The following ARB2A variants were observed in gnomAD, a reference collection of about 807,000 sequenced individuals.
ARB2A encodes the protein ARB2 cotranscriptional regulator A, also known as cotranscriptional regulator ARB2A.
the ARB2A span, among the ~76,000 whole-genome samples, chr5:94,011,171 T>G: frequency 6.6e-6 from 1 of 152,170 alleles, no homozygotes; most frequent in Admixed American, 6.5e-5. Flanking sequence ...AGTCTCATGG[T>G]TCTTCTCTTG....
chr5:93,946,849 C>T, the ARB2A span, among the ~76,000 whole-genome samples: 2 of 152,140 alleles, frequency 1.3e-5, no homozygotes, highest in Non-Finnish European at 2.9e-5. Flanking sequence ...ATATGCCACA[C>T]TTCTTCAACA....
the ARB2A span, among the ~76,000 whole-genome samples, chr5:94,034,510 T>G: frequency 6.6e-6 from 1 of 152,218 alleles, no homozygotes; most frequent in African/African-American, 2.4e-5. Context: ...TGGTTACCAA[T>G]TTTCAGATAA....
the ARB2A span, among the ~76,000 whole-genome samples, chr5:93,792,347 C>T: frequency 2.0e-5 from 3 of 151,628 alleles, no homozygotes; most frequent in East Asian, 1.9e-4. Context: ...GCAGGCTCAG[C>T]GAAGAAGACA....
the ARB2A span, among the ~76,000 whole-genome samples, chr5:93,822,631 G>T: frequency 6.6e-6 from 1 of 151,588 alleles, no homozygotes; most frequent in African/African-American, 2.4e-5. Context: ...GAGATATAGA[G>T]ATATATATAT....
At chr5:93,983,659 A>T in the ARB2A span, among the ~76,000 whole-genome samples, 1 of 152,142 alleles carries the variant, frequency 6.6e-6, no homozygotes, top group Non-Finnish European at 1.5e-5. Context: ...TCTTCCCCCA[A>T]ATTACTTATT....
At chr5:93,857,179 TCAGTCTGC>T in the ARB2A span, among the ~76,000 whole-genome samples, 131 of 152,256 alleles carry the variant, frequency 8.6e-4, no homozygotes, top group African/African-American at 3.1e-3. Flanking sequence ...GTGTGAGGTG[TCAGTCTGC>T]CCCTACTGGG....
the ARB2A span, among the ~76,000 whole-genome samples, chr5:93,767,344 T>C: frequency 1.3e-5 from 2 of 152,104 alleles, no homozygotes; most frequent in Non-Finnish European, 2.9e-5. Flanking sequence ...ATCACCTTAC[T>C]CCTGCAAGAA....
chr5:93,897,320 T>TTATA, the ARB2A span, among the ~76,000 whole-genome samples: 1 of 152,030 alleles, frequency 6.6e-6, no homozygotes. Context: ...CTTAAGCTAT[T>TTATA]TATAGATAAG....
the ARB2A span, among the ~76,000 whole-genome samples, chr5:93,818,686 C>T: frequency 1.3e-5 from 2 of 151,866 alleles, no homozygotes; most frequent in Non-Finnish European, 2.9e-5. Context: ...AAGACTATAC[C>T]TACAAGGGTG....
the ARB2A span, chr5:93,683,448 C>T: frequency 6.3e-7 from 1 of 1,599,864 alleles, no homozygotes. Flanking sequence ...ATTTCAAAGC[C>T]CCCAAGGGAA....
chr5:94,097,793 A>G, the ARB2A span, among the ~76,000 whole-genome samples: 1 of 152,004 alleles, frequency 6.6e-6, no homozygotes, highest in South Asian at 2.1e-4. Flanking sequence ...CTTTGCCAGA[A>G]TGCACATGCC....
chr5:93,978,105 T>C, the ARB2A span, among the ~76,000 whole-genome samples: 10 of 152,160 alleles, frequency 6.6e-5, no homozygotes, highest in African/African-American at 2.2e-4. Flanking sequence ...ATTCAAAAGT[T>C]AGAAAATAAA....
At chr5:93,637,316 A>G in the ARB2A span, among the ~76,000 whole-genome samples, 1 of 148,072 alleles carries the variant, frequency 6.8e-6, no homozygotes, top group East Asian at 2.0e-4. Context: ...TTGTTTAACC[A>G]TAACCATTCT....
At chr5:93,662,401 T>C in the ARB2A span, among the ~76,000 whole-genome samples, 2 of 152,120 alleles carry the variant, frequency 1.3e-5, no homozygotes, top group Non-Finnish European at 2.9e-5. Context: ...TAGAAACAAA[T>C]CTGCTTGCTA....
the ARB2A span, among the ~76,000 whole-genome samples, chr5:93,648,501 G>C: frequency 6.6e-6 from 1 of 152,148 alleles, no homozygotes; most frequent in South Asian, 2.1e-4. Context: ...AGCTCTTGGA[G>C]GGTTAACTGT....
chr5:93,906,638 A>G, the ARB2A span, among the ~76,000 whole-genome samples: 1 of 151,586 alleles, frequency 6.6e-6, no homozygotes, highest in Non-Finnish European at 1.5e-5. Flanking sequence ...AGTATATGCT[A>G]ATGTTAAGCT....
At chr5:93,987,044 CTTAACA>C in the ARB2A span, among the ~76,000 whole-genome samples, 7 of 151,704 alleles carry the variant, frequency 4.6e-5, no homozygotes, top group South Asian at 2.1e-4. Flanking sequence ...AAAAGAAAAA[CTTAACA>C]TTAAGTATTG....
At chr5:93,934,920 T>G in the ARB2A span, among the ~76,000 whole-genome samples, 1 of 152,242 alleles carries the variant, frequency 6.6e-6, no homozygotes, top group South Asian at 2.1e-4. Context: ...AATAATGGCA[T>G]TTGCAGCAAC....
the ARB2A span, among the ~76,000 whole-genome samples, chr5:94,080,780 A>C: frequency 6.6e-6 from 1 of 152,186 alleles, no homozygotes; most frequent in Admixed American, 6.5e-5. Context: ...GTCTCCATGT[A>C]AATTCAACTT....
Sources: gnomAD v4.1 joint callset for allele counts (sites outside exome capture counted in the v4.1 genomes callset) on GRCh38, gnomAD v4.1.1 for gene constraint, MANE v1.5 for transcripts, NCBI Gene and HGNC (gene_info 2026-07-23, HGNC 2026-07-21) for gene names.